The following CSGALNACT1 variants were observed in gnomAD, a reference collection of about 807,000 sequenced individuals.
The protein encoded by CSGALNACT1 is chondroitin sulfate N-acetylgalactosaminyltransferase 1.
CSGALNACT1 carries 52 observed loss-of-function variants against 51.0 expected under a neutral mutation model. That is an observed-to-expected ratio of 1.02 (90% CI 0.82 to 1.29). The LOEUF is 1.29. Ranked by LOEUF, CSGALNACT1 falls within the 50% of genes most tolerant of loss-of-function variation. CSGALNACT1 has a pLI of 0.00. For missense variants in CSGALNACT1, 935 were observed against 679.2 expected, an observed-to-expected ratio of 1.38 and a Z score of -4.19; for synonymous variants, 341 against 254.4, an observed-to-expected ratio of 1.34 and a Z score of -3.24.
chr8:19,545,337 A>C (rs981493155), intron 3 of CSGALNACT1, among the ~76,000 whole-genome samples: 1 of 152,228 alleles, frequency 6.6e-6, no homozygotes, highest in Non-Finnish European at 1.5e-5. Flanking sequence ...ATTAACGTTT[A>C]ATTGAACATT....
chr8:19,574,811 C>A (rs571314821), intron 3 of CSGALNACT1, among the ~76,000 whole-genome samples: 12 of 152,104 alleles, frequency 7.9e-5, no homozygotes, highest in Admixed American at 1.3e-4. Flanking sequence ...ACGGGCAGAT[C>A]ACGAGGTCTC....
intron 1 of CSGALNACT1, among the ~76,000 whole-genome samples, chr8:19,706,551 A>G (rs1301626013): frequency 6.6e-6 from 1 of 152,198 alleles, no homozygotes; most frequent in Non-Finnish European, 1.5e-5. Context: ...CCAGAAGGAC[A>G]TCTCTTTAGC....
chr8:19,505,205 T>C (rs759663922), exon 4 of CSGALNACT1: 2 of 1,614,164 alleles, frequency 1.2e-6, no homozygotes, highest in Non-Finnish European at 1.7e-6. Context: ...GCTAACCTTC[T>C]ATGAAATCAG....
chr8:19,604,687 C>T (rs1251930116), upstream of CSGALNACT1, among the ~76,000 whole-genome samples: 2 of 149,088 alleles, frequency 1.3e-5, no homozygotes, highest in African/African-American at 2.5e-5. Flanking sequence ...GCGGGCAGAT[C>T]ACAATGTCAG....
At chr8:19,711,950 T>C (rs1324012197) in intron 1 of CSGALNACT1, among the ~76,000 whole-genome samples, 1 of 152,182 alleles carries the variant, frequency 6.6e-6, no homozygotes, top group Non-Finnish European at 1.5e-5. Flanking sequence ...GCTAAACCCA[T>C]TGGACAGATG....
rs563950283 is a variant in CSGALNACT1, at chr8:19,632,373, T to C, written c.-543-30508A>G. Among the ~76,000 whole-genome samples, 4 of 152,366 alleles carry C rather than the reference T, an allele frequency of 2.6e-5. No individual in the cohort carries two copies. In the South Asian group the frequency reaches 8.3e-4, roughly 32 times the overall value. ...GCTTTCTCAACTATCTATCTGCCGTTTACGGCACCTCTTCAAAAGCTTTGG... is the reference window on the plus strand; with the variant it reads ...GCTTTCTCAACTATCTATCTGCCGTCTACGGCACCTCTTCAAAAGCTTTGG... On this transcript the variant is annotated intron_variant, in intron 1 of 9. Transcript: ENST00000332246.
intron 1 of CSGALNACT1, among the ~76,000 whole-genome samples, chr8:19,719,372 C>T (rs1021436): frequency 0.74 from 112,522 of 152,020 alleles, 41,764 homozygotes; most frequent in East Asian, 0.86. Context: ...CTTCTTATGC[C>T]GATATTTGTC....
chr8:19,654,158 G>A (rs1179814045), intron 1 of CSGALNACT1, among the ~76,000 whole-genome samples: 1 of 152,200 alleles, frequency 6.6e-6, no homozygotes, highest in Non-Finnish European at 1.5e-5. Flanking sequence ...TGACATCGAT[G>A]TGAGTCAGTA....
intron 1 of CSGALNACT1, among the ~76,000 whole-genome samples, chr8:19,705,379 C>A (rs1333727709): frequency 6.6e-6 from 1 of 152,106 alleles, no homozygotes; most frequent in South Asian, 2.1e-4. Context: ...TTTATGCATC[C>A]ATTCAATGAC....
chr8:19,728,306 C>T (rs971084548), intron 1 of CSGALNACT1, among the ~76,000 whole-genome samples: 1 of 152,094 alleles, frequency 6.6e-6, no homozygotes, highest in East Asian at 1.9e-4. Flanking sequence ...CACGGTTTAA[C>T]AATTTTTATG....
intron 1 of CSGALNACT1, among the ~76,000 whole-genome samples, chr8:19,753,118 A>G (rs75280091): frequency 0.21 from 32,684 of 152,048 alleles, 3,636 homozygotes; most frequent in African/African-American, 0.25. Flanking sequence ...GGGAGACACC[A>G]TGGCCTTTGC....
At chr8:19,476,611 A>C (rs1250079268) in intron 4 of CSGALNACT1, among the ~76,000 whole-genome samples, 1 of 152,086 alleles carries the variant, frequency 6.6e-6, no homozygotes, top group Non-Finnish European at 1.5e-5. Context: ...CTCTTGAATC[A>C]CAGGGGCCTA....
At chr8:19,524,271 G>C (rs1194137817) in intron 3 of CSGALNACT1, among the ~76,000 whole-genome samples, 1 of 152,172 alleles carries the variant, frequency 6.6e-6, no homozygotes, top group Non-Finnish European at 1.5e-5. Flanking sequence ...GGGCAACAGA[G>C]TGAGATCCTG....
intron 4 of CSGALNACT1, among the ~76,000 whole-genome samples, chr8:19,463,310 T>C (rs936572880): frequency 2.0e-5 from 3 of 152,218 alleles, no homozygotes; most frequent in African/African-American, 4.8e-5. Context: ...AAAACTCTCT[T>C]GCAACCTAAG....
chr8:19,448,343 G>T (rs1257916118), intron 5 of CSGALNACT1, among the ~76,000 whole-genome samples: 1 of 152,150 alleles, frequency 6.6e-6, no homozygotes, highest in Admixed American at 6.5e-5. Flanking sequence ...ACCATGTATG[G>T]TCTTTGTAGT....
intron 1 of CSGALNACT1, among the ~76,000 whole-genome samples, chr8:19,615,461 T>G (rs931614161): frequency 6.6e-6 from 1 of 152,250 alleles, no homozygotes; most frequent in Admixed American, 6.5e-5. Context: ...AACAAACCAA[T>G]TTTATTTTTA....
chr8:19,592,477 T>C (rs534641136), intron 2 of CSGALNACT1, among the ~76,000 whole-genome samples: 2 of 152,280 alleles, frequency 1.3e-5, no homozygotes, highest in African/African-American at 2.4e-5. Context: ...ATGAGCAGGG[T>C]ATAGTGGCCC....
chr8:19,583,338 C>T (rs1409905344), intron 3 of CSGALNACT1, among the ~76,000 whole-genome samples: 1 of 152,116 alleles, frequency 6.6e-6, no homozygotes, highest in Non-Finnish European at 1.5e-5. Context: ...AGTATCTTTT[C>T]ATTTCAGCCC....
chr8:19,589,656 C>G (rs1165206862), intron 3 of CSGALNACT1, among the ~76,000 whole-genome samples: 2 of 152,120 alleles, frequency 1.3e-5, no homozygotes, highest in Non-Finnish European at 2.9e-5. Context: ...ATACCCAAAG[C>G]TCAAGTAACT....
Sources: allele counts gnomAD v4.1 joint callset (sites outside exome capture counted in the v4.1 genomes callset), GRCh38; gene constraint gnomAD v4.1.1; transcripts MANE v1.5; gene names NCBI Gene and HGNC (gene_info 2026-07-23, HGNC 2026-07-21).